Variants in POLQ observed in about 807,000 individuals in gnomAD.
The protein encoded by POLQ is epididymis secretory sperm binding protein.
POLQ carries 233 observed loss-of-function variants against 259.2 expected under a neutral mutation model. That is an observed-to-expected ratio of 0.90 (90% CI 0.81 to 1.00). The LOEUF is 1.00. Ranked by LOEUF, POLQ falls within the 50% of genes least tolerant of loss-of-function variation. The pLI, the probability that POLQ is intolerant of heterozygous loss-of-function variation, is 0.00. For synonymous variants in POLQ, 1,025 were observed against 1,048.8 expected (o/e 0.98, Z 0.44); for missense variants, 2,871 against 3,051.6 (o/e 0.94, Z 1.39).
rs993547310 is a variant in POLQ, at chr3:121,450,683, T to A, written c.7153-1257A>T. Among the ~76,000 whole-genome samples the A allele has an allele frequency of 3.3e-5, 5 of 152,310 alleles. No homozygotes were observed. In the East Asian group the frequency reaches 9.6e-4, roughly 29 times the overall value. On this transcript the variant is annotated intron_variant, in intron 25 of 29. Transcript: ENST00000264233. ...GGTGTTAGTCTGATGGGCTTCCCTT[T>A]GTGGGTAACCCGACCTTTCTCTCTG...
At chr3:121,445,414 CAT>C (rs1229185785) in intron 26 of POLQ, among the ~76,000 whole-genome samples, 1 of 152,166 alleles carries the variant, frequency 6.6e-6, no homozygotes, top group Non-Finnish European at 1.5e-5. Context: ...AAATTACTGG[CAT>C]ATAGCTGCTC....
chr3:121,509,704 C>T lies in POLQ; in HGVS notation c.1817-1G>A, dbSNP rs143607125. The T allele has an allele frequency of 4.3e-5, 69 of 1,611,862 alleles. No individual in the cohort carries two copies. The African/African-American group carries it at 9.0e-4, about 21-fold the overall frequency. On this transcript the variant is annotated splice_acceptor_variant, in intron 11 of 29. Transcript: ENST00000264233. LOFTEE classifies it high-confidence loss of function. ...AGATGTGTTGGATGATACACCTTTC[C>T]TGGTTTAGGGTTAGGGTGAGGAAAC...
intron 23 of POLQ, among the ~76,000 whole-genome samples, 198 bp downstream of exon 23, chr3:121,468,107 T>A (rs2047853634): frequency 6.6e-6 from 1 of 152,182 alleles, no homozygotes; most frequent in South Asian, 2.1e-4. Context: ...ATACTAGAAC[T>A]TTTTTTAGCA....
chr3:121,449,201 C>A, intron 26 of POLQ, 114 bp downstream of exon 26: 1 of 614,468 alleles, frequency 1.6e-6, no homozygotes, highest in East Asian at 2.7e-5. Flanking sequence ...TTAACAATGC[C>A]TGATGAAAAC....
intron 26 of POLQ, among the ~76,000 whole-genome samples, chr3:121,442,800 G>T (rs1333714114): frequency 6.6e-6 from 1 of 152,130 alleles, no homozygotes. Context: ...TTTCTTTTGG[G>T]TATGTACCTA....
In POLQ at chr3:121,439,774, A is replaced by G. The variant is rs575903779; in HGVS notation, c.7389+218T>C. ...ATGTTTAAAGTATTATTAAGTAAAC[A>G]CATGTTTACATTAATCCCCCAGACT... On this transcript the variant is annotated intron_variant, in intron 27 of 29. Transcript: ENST00000264233. Among the ~76,000 whole-genome samples the G allele has an allele frequency of 3.3e-5, 5 of 152,396 alleles. No homozygotes were observed. The East Asian group carries it at 9.6e-4, about 29-fold the overall frequency.
chr3:121,502,269 T>C (rs2048176715), intron 12 of POLQ, among the ~76,000 whole-genome samples: 1 of 152,156 alleles, frequency 6.6e-6, no homozygotes, highest in Non-Finnish European at 1.5e-5. Flanking sequence ...CTGGACACAA[T>C]CTCAGCTCAC....
chr3:121,463,552 T>C (rs539658418), intron 24 of POLQ, among the ~76,000 whole-genome samples: 1 of 152,182 alleles, frequency 6.6e-6, no homozygotes, highest in Non-Finnish European at 1.5e-5. Context: ...AATTGTCCCA[T>C]AACAGAGAAA....
Position 121,533,044 on chromosome 3 carries a change from T to C in POLQ, c.906A>G (p.Ile302Met), listed in dbSNP as rs757470897. The C allele has an allele frequency of 3.7e-6, 6 of 1,614,002 alleles. No individual in the cohort carries two copies. The highest frequency in any genetic ancestry group is 2.2e-5 in the South Asian group (2 of 91,068). Residue 302 changes from isoleucine (I) to methionine (M), a missense_variant, in exon 6 of 30, where the codon ATA (isoleucine) becomes ATG (methionine). Ile to Met is a conservative substitution (Grantham distance 10). Transcript: ENST00000264233. ...LLESVKVGNS[I>M]YDSSMKLVRE... ...TCACAAGTTTCATTGAAGAGTCATA[T>C]ATGGAATTTCCAACTTTTACTGACT...
In POLQ at chr3:121,439,993, T is replaced by C. The variant is rs368242391; in HGVS notation, c.7388A>G (p.His2463Arg). 30 of 1,611,746 alleles carry C rather than the reference T, an allele frequency of 1.9e-5. No individual in the cohort carries two copies. Among genetic ancestry groups the C allele is most frequent in the Non-Finnish European group, 2.1e-5 (25 of 1,178,208 alleles). The change falls in exon 27 of 30, where the codon CAC becomes CGC. Residue 2463 changes from histidine (H) to arginine (R), a missense_variant and splice_region_variant. By Grantham distance (29) the His-to-Arg change is conservative. Transcript: ENST00000264233. ...AATTCCTAAAAAATTTCAACATACG[T>C]GAGCTTTACGATAAGGGTTGTTGTC... is the stretch of plus-strand genomic sequence containing the variant. ...IKDNNPYRKA[H>R]AERQAINTIV...
intron 7 of POLQ, among the ~76,000 whole-genome samples, chr3:121,526,064 G>C (rs1418888935): frequency 3.3e-5 from 5 of 152,120 alleles, no homozygotes; most frequent in Non-Finnish European, 7.4e-5. Flanking sequence ...TGCGTAATGA[G>C]CTTTAAACAT....
In POLQ at chr3:121,487,335, T is replaced by C. The variant is rs1178555393; in HGVS notation, c.5596A>G (p.Lys1866Glu). 9 of 1,608,318 alleles carry C rather than the reference T, an allele frequency of 5.6e-6. No individual in the cohort carries two copies. Among genetic ancestry groups the C allele is most frequent in the Admixed American group, 1.7e-5 (1 of 58,834 alleles). The change falls in exon 16 of 30, where the codon AAA (lysine) becomes GAA (glutamate). Residue 1866 changes from lysine (K) to glutamate (E), a missense_variant. This residue lies in a region of POLQ where 2,080 missense variants were observed against 2,126.0 expected (regional missense o/e 0.98). Coordinates refer to ENST00000264233, the MANE Select transcript of POLQ (RefSeq NM_199420.4). ...AACCTACTGCCAATAGTAGCAGTTT[T>C]AGAAGATGTCAAACTTCTAATCTTT... ...CEKIRSLTSS[K>E]TATIGSRFKQ...
chr3:121,482,037 T>G (rs1168498361), intron 18 of POLQ, among the ~76,000 whole-genome samples: 1 of 152,176 alleles, frequency 6.6e-6, no homozygotes, highest in African/African-American at 2.4e-5. Context: ...GTTGTAACTA[T>G]TCCATTCCTA....
chr3:121,449,882 G>GA (rs200226772), intron 25 of POLQ, among the ~76,000 whole-genome samples: 2,889 of 150,804 alleles, frequency 0.019, 40 homozygotes, highest in Middle Eastern at 0.038. Context: ...GACTTAACTG[G>GA]AAAAAAAAAT....
chr3:121,502,626 T>C (rs1192138938), intron 12 of POLQ, among the ~76,000 whole-genome samples: 1 of 152,134 alleles, frequency 6.6e-6, no homozygotes, highest in Non-Finnish European at 1.5e-5. Context: ...TGACAAGAGA[T>C]GGTGTCCCAA....
chr3:121,453,421 T>G (rs890046573), intron 25 of POLQ, among the ~76,000 whole-genome samples: 49 of 152,210 alleles, frequency 3.2e-4, no homozygotes, highest in African/African-American at 1.1e-3. Flanking sequence ...AGAAGAAGGC[T>G]TCAGACGATC....
chr3:121,492,739 A>G (rs934370951), intron 15 of POLQ, among the ~76,000 whole-genome samples: 2 of 150,786 alleles, frequency 1.3e-5, no homozygotes, highest in Non-Finnish European at 3.0e-5. Flanking sequence ...GGGCTCAACC[A>G]ACTCTCCAGC....
At chr3:121,532,604 C>T (rs2048419146) in intron 6 of POLQ, among the ~76,000 whole-genome samples, 1 of 151,500 alleles carries the variant, frequency 6.6e-6, no homozygotes, top group South Asian at 2.1e-4. Context: ...CATGTTCAAG[C>T]AATTCTCCTG....
rs2048026322 is a variant in POLQ at position 121,487,836 on chromosome 3, T to C, written c.5095A>G (p.Asn1699Asp). ...ATCTCAATCTTGCTTTTTACTTCAT[T>C]ATTAGAAGAAAATGAAATTCCCTGC... ...QVQGISFSSN[N>D]EVKSKIEMLE... Residue 1699 changes from asparagine to aspartate, a missense_variant, in exon 16 of 30, where the codon AAT becomes GAT. Transcript: ENST00000264233. 6.2e-7 allele frequency: 1 copy of C among 1,610,432 alleles called. No individual in the cohort carries two copies. Among genetic ancestry groups the C allele is most frequent in the South Asian group, 1.1e-5 (1 of 89,888 alleles).
Sources: allele counts gnomAD v4.1 joint callset (sites outside exome capture counted in the v4.1 genomes callset), GRCh38; gene constraint gnomAD v4.1.1; regional missense constraint gnomAD v4.1.1; transcripts MANE v1.5; gene names NCBI Gene and HGNC (gene_info 2026-07-23, HGNC 2026-07-21).